Variants in RFX7 observed in about 807,000 individuals in gnomAD.
RFX7 encodes the protein DNA-binding protein RFX7.
In RFX7, 26 loss-of-function variants were observed where a neutral mutation model predicts 111.8. That is an observed-to-expected ratio of 0.23 (90% CI 0.17 to 0.32). The LOEUF (loss-of-function observed/expected upper bound fraction) is 0.32, where lower values mean the gene tolerates loss of function less well. Among genes scored for constraint, RFX7 ranks in the 10% least tolerant of loss-of-function variants. The probability of loss-of-function intolerance (pLI) is 1.00; values close to 1 mark genes in which losing one functional copy is unlikely to be tolerated. For synonymous variants in RFX7, 624 were observed against 624.4 expected (o/e 1.00, Z 0.01); for missense variants, 1,573 against 1,772.9 (o/e 0.89, Z 2.02).
At position 56,095,920 on chromosome 15, in the gene RFX7, T is replaced by C. The variant is rs2041670119; in HGVS notation, c.1808A>G (p.Lys603Arg). The C allele has an allele frequency of 1.9e-6, 3 of 1,605,936 alleles. No individual in the cohort carries two copies. The highest frequency in any genetic ancestry group is 2.2e-5 in the East Asian group (1 of 44,868). ...TGGCAGCATTTCATTACAGCGACTT[T>C]TACATTTGGTCCTCTGGTCACAGAC... Reference protein sequence around the residue: ...TKVCDQRTKCKSRCNEMLPGT... With the variant: ...TKVCDQRTKCRSRCNEMLPGT... The change falls in exon 10 of 10, where the codon AAA becomes AGA. Residue 603 changes from lysine to arginine, a missense_variant. Coordinates refer to ENST00000559447, the MANE Select transcript of RFX7 (RefSeq NM_022841.7).
At chr15:56,165,506 C>T (rs971751823) in intron 3 of RFX7, among the ~76,000 whole-genome samples, 1 of 152,160 alleles carries the variant, frequency 6.6e-6, no homozygotes, top group South Asian at 2.1e-4. Flanking sequence ...TAATGACAGT[C>T]CTAGAAAATC....
At chr15:56,207,762 A>G (rs544901879) in intron 2 of RFX7, among the ~76,000 whole-genome samples, 1 of 152,336 alleles carries the variant, frequency 6.6e-6, no homozygotes, top group South Asian at 2.1e-4. Context: ...CTGTAAGTCA[A>G]CACTAAGCCC....
chr15:56,170,717 T>G (rs757742578), intron 3 of RFX7, among the ~76,000 whole-genome samples: 31 of 152,180 alleles, frequency 2.0e-4, no homozygotes, highest in Non-Finnish European at 4.4e-4. Context: ...TAACCACATT[T>G]CAAGTATTCG....
intron 5 of RFX7, among the ~76,000 whole-genome samples, chr15:56,136,659 T>G (rs2042307142): frequency 6.6e-6 from 1 of 151,846 alleles, no homozygotes; most frequent in African/African-American, 2.4e-5. Flanking sequence ...CTATGTTGAA[T>G]AGGAGTGGTG....
intron 2 of RFX7, among the ~76,000 whole-genome samples, chr15:56,224,663 C>T (rs2043462849): frequency 6.6e-6 from 1 of 150,522 alleles, no homozygotes; most frequent in Admixed American, 6.6e-5. Flanking sequence ...AATAGGGATT[C>T]AGTATAAGTG....
At position 56,090,316 on chromosome 15, in the gene RFX7, T is replaced by C. The variant is rs1595915602; in HGVS notation, c.*3029A>G. The C allele has an allele frequency of 6.6e-6, 1 of 152,226 alleles. No homozygotes were observed. The highest frequency in any genetic ancestry group is 1.9e-4 in the East Asian group (1 of 5,200). The allele number at this position is 152,226 out of a possible 1,614,324, so 9.4% of individuals were successfully genotyped here. On this transcript the variant is annotated 3_prime_UTR_variant, in exon 10 of 10. Coordinates refer to ENST00000559447, the MANE Select transcript of RFX7 (RefSeq NM_022841.7). ...TATGCCATGCACCATTCATTGGTAA[T>C]AATCTTAAGTGAACAACAGAGTTTT...
chr15:56,154,693 G>A (rs2042626189), intron 3 of RFX7, among the ~76,000 whole-genome samples: 1 of 150,674 alleles, frequency 6.6e-6, no homozygotes, highest in Non-Finnish European at 1.5e-5. Context: ...AGAAAACCTG[G>A]GCAATAGTAT....
chr15:56,140,625 C>T (rs1220294563), intron 5 of RFX7, among the ~76,000 whole-genome samples: 1 of 152,196 alleles, frequency 6.6e-6, no homozygotes, highest in Non-Finnish European at 1.5e-5. Context: ...TTGGCTCCTT[C>T]CCCGCTAAAT....
intron 2 of RFX7, among the ~76,000 whole-genome samples, chr15:56,188,901 C>T (rs911149980): frequency 1.3e-5 from 2 of 152,196 alleles, no homozygotes; most frequent in Admixed American, 6.5e-5. Context: ...GGTGCGATCT[C>T]GGCTCACTGC....
intron 2 of RFX7, among the ~76,000 whole-genome samples, chr15:56,195,905 C>A (rs75565128): frequency 2.6e-5 from 4 of 152,054 alleles, no homozygotes; most frequent in African/African-American, 7.3e-5. Flanking sequence ...AAAGCTCACA[C>A]GTTTTTATGT....
chr15:56,138,279 C>T (rs1409361742), intron 5 of RFX7, among the ~76,000 whole-genome samples: 1 of 146,006 alleles, frequency 6.8e-6, no homozygotes, highest in Non-Finnish European at 1.5e-5. Flanking sequence ...TCAGGACTTG[C>T]TTTATGAATC....
chr15:56,106,273 AC>A (rs558261224), intron 5 of RFX7, among the ~76,000 whole-genome samples: 4 of 152,168 alleles, frequency 2.6e-5, no homozygotes, highest in Non-Finnish European at 4.4e-5. Flanking sequence ...TACTTATTCT[AC>A]CTCTTGGAAG....
At chr15:56,153,190 C>G (rs1287409502) in intron 3 of RFX7, among the ~76,000 whole-genome samples, 1 of 152,158 alleles carries the variant, frequency 6.6e-6, no homozygotes. Flanking sequence ...AAAAGAGGGA[C>G]TCCTCCCTAA....
intron 5 of RFX7, among the ~76,000 whole-genome samples, chr15:56,112,379 C>CAAA (rs71110374): frequency 0.012 from 846 of 70,948 alleles, no homozygotes; most frequent in East Asian, 0.02. Context: ...GAGTACAAAT[C>CAAA]AAAAAAAAAA....
At chr15:56,218,436 A>C (rs1394912268) in intron 2 of RFX7, among the ~76,000 whole-genome samples, 2 of 152,034 alleles carry the variant, frequency 1.3e-5, no homozygotes, top group Non-Finnish European at 2.9e-5. Flanking sequence ...CCAGCCTAGA[A>C]ACAATTTAAA....
intron 2 of RFX7, among the ~76,000 whole-genome samples, chr15:56,182,651 TC>T (rs2042987233): frequency 6.6e-6 from 1 of 152,202 alleles, no homozygotes; most frequent in Non-Finnish European, 1.5e-5. Flanking sequence ...TTGAGATCCA[TC>T]CATGTTGATA....
chr15:56,191,357 C>A lies in RFX7; in HGVS notation c.162-12054G>T, dbSNP rs149830659. Among the ~76,000 whole-genome samples the A allele has an allele frequency of 1.6e-3, 249 of 152,174 alleles. 2 individuals are homozygous for A. The highest frequency in any genetic ancestry group is 5.6e-3 in the African/African-American group (234 of 41,526). ...AAAAAGAAATGGAATTACCTATAGA[C>A]AAAGGAGTTAGAAGAATATATTTGC... is the stretch of plus-strand genomic sequence containing the variant. On this transcript the variant is annotated intron_variant, in intron 2 of 9. Coordinates refer to ENST00000559447, the MANE Select transcript of RFX7 (RefSeq NM_022841.7).
At chr15:56,200,089 A>T (rs1309634667) in intron 2 of RFX7, among the ~76,000 whole-genome samples, 1 of 152,192 alleles carries the variant, frequency 6.6e-6, no homozygotes, top group Non-Finnish European at 1.5e-5. Context: ...CTGTCATAGA[A>T]ACATTATATA....
chr15:56,175,728 G>T (rs2042896659), intron 3 of RFX7, among the ~76,000 whole-genome samples: 2 of 152,096 alleles, frequency 1.3e-5, no homozygotes, highest in Admixed American at 6.6e-5. Context: ...ACACAAAATG[G>T]TTCAAACATC....
Sources: gnomAD v4.1 joint callset for allele counts (sites outside exome capture counted in the v4.1 genomes callset) on GRCh38, gnomAD v4.1.1 for gene constraint, MANE v1.5 for transcripts, NCBI Gene and HGNC (gene_info 2026-07-23, HGNC 2026-07-21) for gene names.